Variants in SORL1 observed in about 807,000 individuals in gnomAD.
SORL1 encodes sortilin-related receptor.
SORL1 carries 127 observed loss-of-function variants against 273.7 expected under a neutral mutation model. The ratio of observed to expected loss-of-function variants is 0.46; its 90% confidence interval spans 0.40 to 0.54. The LOEUF (loss-of-function observed/expected upper bound fraction) is 0.54. Among genes scored for constraint, SORL1 ranks in the 20% least tolerant of loss-of-function variants. The pLI is 0.00. For missense variants in SORL1, 2,494 were observed against 2,846.1 expected, an observed-to-expected ratio of 0.88 and a Z score of 2.81; for synonymous variants, 1,031 against 1,067.4, an observed-to-expected ratio of 0.97 and a Z score of 0.66.
In SORL1 at chr11:121,542,634, C is replaced by T. The variant is rs77362531; in HGVS notation, c.1686-914C>T. Among the ~76,000 whole-genome samples the T allele has an allele frequency of 8.7e-3, 1,321 of 152,106 alleles. 17 individuals are homozygous for T. Among genetic ancestry groups the T allele is most frequent in the African/African-American group, 0.03 (1,258 of 41,492 alleles). On this transcript the variant is annotated intron_variant, in intron 12 of 47. Transcript: ENST00000260197. ...ATGATGTTTAGTTAAGATTGTGACT[C>T]TCTGATCATTCATTGTAAGATTATG...
chr11:121,620,738 G>A (rs1341216839), intron 43 of SORL1, among the ~76,000 whole-genome samples: 1 of 152,216 alleles, frequency 6.6e-6, no homozygotes, highest in African/African-American at 2.4e-5. Context: ...TTGCAGTGGT[G>A]GAGATGTGGA....
At chr11:121,546,118 G>T (rs548998330) in intron 14 of SORL1, among the ~76,000 whole-genome samples, 82 of 152,334 alleles carry the variant, frequency 5.4e-4, no homozygotes, top group African/African-American at 1.9e-3. Context: ...GTCTGCAACA[G>T]TCAGGTGTAG....
chr11:121,473,927 C>T (rs1861216845), intron 2 of SORL1, among the ~76,000 whole-genome samples: 1 of 152,036 alleles, frequency 6.6e-6, no homozygotes, highest in South Asian at 2.1e-4. Flanking sequence ...AAGAATCAAC[C>T]AGGGAAGATA....
intron 14 of SORL1, among the ~76,000 whole-genome samples, chr11:121,547,345 T>TC (rs398115894): frequency 1.4e-5 from 2 of 138,346 alleles, no homozygotes; most frequent in Non-Finnish European, 1.5e-5. Context: ...TTTTTTTTTT[T>TC]CATGACATTT....
At chr11:121,523,014 C>T (rs1392017422) in intron 11 of SORL1, 25 bp downstream of exon 11, 1 of 1,441,316 alleles carries the variant, frequency 6.9e-7, no homozygotes, top group East Asian at 2.3e-5. Flanking sequence ...CCAATCCCGT[C>T]CCCTCCACCC....
chr11:121,516,106 G>A lies in SORL1; in HGVS notation c.1211+1785G>A, dbSNP rs141319306. On this transcript the variant is annotated intron_variant, in intron 8 of 47. Coordinates refer to ENST00000260197, the MANE Select transcript of SORL1 (RefSeq NM_003105.6). Reference sequence around the variant, plus strand: ...TAGTGTTCTAAATAATTATAAGTGAGCACTCATGTGGCTTATCTTTTACAG... The same window carrying A: ...TAGTGTTCTAAATAATTATAAGTGAACACTCATGTGGCTTATCTTTTACAG... Among the ~76,000 whole-genome samples, 4 of 152,298 alleles carry A rather than the reference G, an allele frequency of 2.6e-5. No individual in the cohort carries two copies. In the East Asian group the frequency reaches 7.7e-4, roughly 29 times the overall value.
chr11:121,586,149 C>T lies in SORL1; in HGVS notation c.3707-73C>T, dbSNP rs573207335. 9.0e-6 allele frequency: 11 copies of T among 1,223,090 alleles called. No homozygotes were observed. In the South Asian group the frequency reaches 1.1e-4, roughly 12 times the overall value. The allele number at this position is 1,223,090 out of a possible 1,614,324, so 75.8% of individuals were successfully genotyped here. ...CCAGTGGTGGTACCAGTGTGTACTC[C>T]CGCCAGCACTGTGTGTGAGTGCCTG... On this transcript the variant is annotated intron_variant, in intron 26 of 47. Transcript: ENST00000260197.
chr11:121,545,206 G>A, intron 13 of SORL1, 37 bp from the exon 14 acceptor site: 1 of 1,606,318 alleles, frequency 6.2e-7, no homozygotes, highest in Non-Finnish European at 8.5e-7. Flanking sequence ...ACATGGGCCT[G>A]CCTCTAATGC....
chr11:121,605,133 G>A lies in SORL1; in HGVS notation c.4672G>A (p.Val1558Ile). ...TCTAGATGAGTTGACTGTGTACAAAGTACAGAATCTTCAGTGGACAGCTGA... is the reference window on the plus strand; with the variant it reads ...TCTAGATGAGTTGACTGTGTACAAAATACAGAATCTTCAGTGGACAGCTGA... ...ACSDELTVYK[V>I]QNLQWTADFS... is the part of the protein sequence containing the mutation. The change falls in exon 34 of 48, where the codon GTA becomes ATA. Residue 1558 changes from valine (V) to isoleucine (I), a missense_variant. Val to Ile is a conservative substitution (Grantham distance 29). Around this residue, in one of 3 missense-constraint regions of SORL1, gnomAD observed 1,609 missense variants for 1,816.4 expected, o/e 0.89. Transcript: ENST00000260197. 1 of 1,613,102 alleles carries A rather than the reference G, an allele frequency of 6.2e-7. No homozygotes were observed. Among genetic ancestry groups the A allele is most frequent in the Non-Finnish European group, 8.5e-7 (1 of 1,179,460 alleles).
chr11:121,629,515 C>A lies in SORL1; in HGVS notation c.6597C>A (p.Ala2199=). ...GDDLGEDDED[A]PMITGFSDDV... ...CTCTAGGGGAAGATGATGAAGATGCCCCTATGATAACTGGATTTTCAGATG... is the reference window on the plus strand; with the variant it reads ...CTCTAGGGGAAGATGATGAAGATGCACCTATGATAACTGGATTTTCAGATG... Residue 2199 remains alanine, a synonymous_variant, in exon 48 of 48, where the codon GCC becomes GCA. Coordinates refer to ENST00000260197, the MANE Select transcript of SORL1 (RefSeq NM_003105.6). 6.3e-7 allele frequency: 1 copy of A among 1,586,780 alleles called. No individual in the cohort carries two copies. The highest frequency in any genetic ancestry group is 8.7e-7 in the Non-Finnish European group (1 of 1,155,178).
At position 121,627,496 on chromosome 11, in the gene SORL1, C is replaced by A; in HGVS notation, c.6365-59C>A. 1.4e-6 allele frequency: 2 copies of A among 1,426,676 alleles called. No individual in the cohort carries two copies. The highest frequency in any genetic ancestry group is 1.2e-5 in the South Asian group (1 of 86,386). 88.4% of individuals were successfully genotyped at this position (1,426,676 alleles called of 1,614,324 possible). A position where few individuals can be genotyped will look rare whatever the true frequency, so the allele number is the denominator to read the frequency against. On this transcript the variant is annotated intron_variant, in intron 46 of 47. Transcript: ENST00000260197. The surrounding 1 kb of genome is among the most constrained non-coding windows in gnomAD (Gnocchi z 4.9). ...TTTGGTGGGTGGGGCCTTGAGGAGTCATCTGGTCTGTTCTCCTGCCCTCAG... is the reference window on the plus strand; with the variant it reads ...TTTGGTGGGTGGGGCCTTGAGGAGTAATCTGGTCTGTTCTCCTGCCCTCAG...
intron 1 of SORL1, among the ~76,000 whole-genome samples, chr11:121,463,304 C>A (rs1861031406): frequency 6.6e-6 from 1 of 151,376 alleles, no homozygotes. Flanking sequence ...ATATTATGTT[C>A]ATGAGAAAGA....
At chr11:121,582,841 A>G (rs961014708) in intron 25 of SORL1, among the ~76,000 whole-genome samples, 1 of 151,880 alleles carries the variant, frequency 6.6e-6, no homozygotes, top group African/African-American at 2.4e-5. Context: ...GGTTTTTCAC[A>G]CTTGAAATTG....
chr11:121,468,905 T>A (rs1384885348), intron 1 of SORL1, among the ~76,000 whole-genome samples: 1 of 152,238 alleles, frequency 6.6e-6, no homozygotes, highest in African/African-American at 2.4e-5. Flanking sequence ...TGAGATGATA[T>A]GCTTCCTCAG....
At chr11:121,489,990 C>A in intron 4 of SORL1, 53 bp from the exon 5 acceptor site, 2 of 1,293,788 alleles carry the variant, frequency 1.5e-6, no homozygotes, top group Non-Finnish European at 2.3e-6. Context: ...ATGGTGATGC[C>A]ATTCAGGTTG....
chr11:121,514,924 G>T (rs142724706), intron 8 of SORL1, among the ~76,000 whole-genome samples: 1 of 152,150 alleles, frequency 6.6e-6, no homozygotes, highest in African/African-American at 2.4e-5. Context: ...CTTAAGATCC[G>T]TTCAGGGCCA....
At chr11:121,599,656 T>A (rs1162821751) in intron 32 of SORL1, among the ~76,000 whole-genome samples, 1 of 152,266 alleles carries the variant, frequency 6.6e-6, no homozygotes, top group East Asian at 1.9e-4. Flanking sequence ...CTTTCAGTTG[T>A]AAGGTTGAGC....
chr11:121,607,065 C>G, intron 36 of SORL1, 108 bp downstream of exon 36: 2 of 1,019,634 alleles, frequency 2.0e-6, no homozygotes, highest in Non-Finnish European at 3.1e-6. Flanking sequence ...TAGGTGATGA[C>G]CCATCCGTCA....
At chr11:121,586,984 C>A (rs1038384327) in intron 27 of SORL1, among the ~76,000 whole-genome samples, 2 of 152,088 alleles carry the variant, frequency 1.3e-5, no homozygotes, top group Admixed American at 6.5e-5. Context: ...GGCAAACTAG[C>A]CTGTGGGCAA....
Sources: allele counts gnomAD v4.1 joint callset (sites outside exome capture counted in the v4.1 genomes callset), GRCh38; gene constraint gnomAD v4.1.1; regional missense constraint gnomAD v4.1.1; non-coding constraint Gnocchi (gnomAD v3.1); transcripts MANE v1.5; gene names NCBI Gene and HGNC (gene_info 2026-07-23, HGNC 2026-07-21).